Variants in DCLRE1A observed in about 807,000 individuals in gnomAD.
DCLRE1A encodes the protein DNA cross-link repair 1A protein.
Under a neutral mutation model 91.9 loss-of-function variants are expected in DCLRE1A, and 64 were observed. The observed-to-expected ratio is 0.70, with a 90% CI of 0.57 to 0.86. DCLRE1A has a LOEUF of 0.86. DCLRE1A is among the 40% of genes least tolerant of loss of function. DCLRE1A has a pLI of 0.00. For synonymous variants in DCLRE1A, 416 were observed against 431.1 expected (o/e 0.96, Z 0.43); for missense variants, 1,145 against 1,213.3 (o/e 0.94, Z 0.84).
In DCLRE1A at chr10:113,852,943, C is replaced by G; in HGVS notation, c.240G>C (p.Gln80His). The G allele has an allele frequency of 6.2e-7, 1 of 1,614,154 alleles. No homozygotes were observed. The highest frequency in any genetic ancestry group is 8.5e-7 in the Non-Finnish European group (1 of 1,180,034). The part of the protein sequence containing the change: ...AGCQTSVASS[Q>H]NSSCGDGIQQ... The stretch of plus-strand genomic sequence containing the variant: ...GAATACCATCTCCACAACTTGAATT[C>G]TGACTAGAAGCAACAGAAGTCTGAC... The change falls in exon 1 of 9, where the codon CAG becomes CAC. Residue 80 changes from glutamine to histidine, a missense_variant. Coordinates refer to ENST00000361384, the MANE Select transcript of DCLRE1A (RefSeq NM_014881.5).
At position 113,835,114 on chromosome 10, in the gene DCLRE1A, C is replaced by T; in HGVS notation, c.*38G>A. The T allele has an allele frequency of 6.3e-7, 1 of 1,583,168 alleles. No homozygotes were observed. The highest frequency in any genetic ancestry group is 8.6e-7 in the Non-Finnish European group (1 of 1,165,154). On this transcript the variant is annotated 3_prime_UTR_variant, in exon 9 of 9. Coordinates refer to ENST00000361384, the MANE Select transcript of DCLRE1A (RefSeq NM_014881.5). The stretch of plus-strand genomic sequence containing the variant: ...GATTTAACTACTAACAAGCTACATC[C>T]AAGGAACTTAACTACTACTGAATCC...
At chr10:113,836,554 C>T (rs992992193) in intron 8 of DCLRE1A, among the ~76,000 whole-genome samples, 1 of 152,058 alleles carries the variant, frequency 6.6e-6, no homozygotes, top group Non-Finnish European at 1.5e-5. Context: ...GAAAAGGGTC[C>T]TATTTTCAGT....
At chr10:113,843,984 T>A in intron 5 of DCLRE1A, 120 bp downstream of exon 5, 1 of 1,367,858 alleles carries the variant, frequency 7.3e-7, no homozygotes, top group Non-Finnish European at 9.8e-7. Flanking sequence ...TCAAACAGCA[T>A]CCCTCTGATA....
Position 113,849,105 on chromosome 10 carries a change from C to T in DCLRE1A, c.2000G>A (p.Ser667Asn). The change falls in exon 2 of 9, where the codon AGT (serine) becomes AAT (asparagine). Residue 667 changes from serine (S) to asparagine (N), a missense_variant. Ser to Asn is a conservative substitution (Grantham distance 46). Coordinates refer to ENST00000361384, the MANE Select transcript of DCLRE1A (RefSeq NM_014881.5). ...INTESEAVNL[S>N]KVKVFTKSAH... ...TGATTTTGTGAAGACTTTGACTTTA[C>T]TTAAATTGACTGCTTCAGATTCTGT... 1 of 1,614,122 alleles carries T rather than the reference C, an allele frequency of 6.2e-7. No individual in the cohort carries two copies. The highest frequency in any genetic ancestry group is 8.5e-7 in the Non-Finnish European group (1 of 1,180,016).
chr10:113,844,943 A>C (rs1242054870), intron 4 of DCLRE1A, among the ~76,000 whole-genome samples: 7 of 152,252 alleles, frequency 4.6e-5, no homozygotes, highest in African/African-American at 1.7e-4. Flanking sequence ...TCTCAAAAAA[A>C]AAAAAAATCA....
At chr10:113,845,182 A>G (rs937420495) in intron 4 of DCLRE1A, among the ~76,000 whole-genome samples, 2 of 152,126 alleles carry the variant, frequency 1.3e-5, no homozygotes, top group African/African-American at 4.8e-5. Context: ...AGTACTTTAT[A>G]TTAAAAGAAA....
At position 113,847,203 on chromosome 10, in the gene DCLRE1A, T is replaced by A; in HGVS notation, c.2258A>T (p.Glu753Val). ...KHFTFPVYCS[E>V]ITGNLLKNKL... The stretch of plus-strand genomic sequence containing the variant: ...AAAAGTTAGAATACTAAAACTTACC[T>A]CACTACAATAAACTGGAAATGTGAA... Residue 753 changes from glutamate to valine, a missense_variant and splice_region_variant, in exon 3 of 9, where the codon GAG becomes GTG. Transcript: ENST00000361384. The A allele has an allele frequency of 6.3e-7, 1 of 1,598,646 alleles. No individual in the cohort carries two copies. The highest frequency in any genetic ancestry group is 8.5e-7 in the Non-Finnish European group (1 of 1,170,938).
chr10:113,849,459 G>A lies in DCLRE1A; in HGVS notation c.1646C>T (p.Pro549Leu), dbSNP rs1270372064. The part of the protein sequence containing the change: ...PSGLKYNARH[P>L]STKVMKQMDI... ...CATTTGCTTCATTACCTTGGTAGAAGGATGTCTTGCATTATACTTAAGACC... is the reference window on the plus strand; with the variant it reads ...CATTTGCTTCATTACCTTGGTAGAAAGATGTCTTGCATTATACTTAAGACC... Residue 549 changes from proline (P) to leucine (L), a missense_variant, in exon 2 of 9, where the codon CCT (proline) becomes CTT (leucine). Coordinates refer to ENST00000361384, the MANE Select transcript of DCLRE1A (RefSeq NM_014881.5). The A allele has an allele frequency of 1.2e-6, 2 of 1,614,098 alleles. No individual in the cohort carries two copies. Among genetic ancestry groups the A allele is most frequent in the Non-Finnish European group, 1.7e-6 (2 of 1,180,016 alleles).
In DCLRE1A at chr10:113,845,863, T is replaced by C. The variant is rs17235164; in HGVS notation, c.2260-60A>G. 5,466 of 1,342,778 alleles carry C rather than the reference T, an allele frequency of 4.1e-3. 117 individuals carry two copies. The African/African-American group carries it at 0.058, about 14-fold the overall frequency. The allele number at this position is 1,342,778 out of a possible 1,614,324, so 83.2% of individuals were successfully genotyped here. A position where few individuals can be genotyped will look rare whatever the true frequency, so the allele number is the denominator to read the frequency against. On this transcript the variant is annotated intron_variant, in intron 3 of 8. Transcript: ENST00000361384. ...AAAACACTAAATATTTTATTTCATA[T>C]CTAGTTTAGAACCATAGCATCTTAA...
At chr10:113,846,874 G>A (rs1266550349) in intron 3 of DCLRE1A, among the ~76,000 whole-genome samples, 1 of 152,040 alleles carries the variant, frequency 6.6e-6, no homozygotes, top group Non-Finnish European at 1.5e-5. Context: ...TCCATGGATA[G>A]GGCACTCACA....
At chr10:113,838,413 GAATTA>G (rs1845395172) in intron 7 of DCLRE1A, among the ~76,000 whole-genome samples, 1 of 152,120 alleles carries the variant, frequency 6.6e-6, no homozygotes, top group Admixed American at 6.5e-5. Context: ...CCATCCAGAA[GAATTA>G]AATGATAACT....
intron 7 of DCLRE1A, among the ~76,000 whole-genome samples, chr10:113,840,532 T>G (rs1845430280): frequency 6.6e-6 from 1 of 152,124 alleles, no homozygotes; most frequent in Non-Finnish European, 1.5e-5. Flanking sequence ...GAAATCTTAC[T>G]TCATCAATTA....
chr10:113,841,300 T>C, intron 7 of DCLRE1A, 106 bp downstream of exon 7: 1 of 1,323,786 alleles, frequency 7.6e-7, no homozygotes, highest in Non-Finnish European at 1.0e-6. Context: ...CAAATTTTAC[T>C]ATGGGTGACT....
At chr10:113,848,764 G>A (rs1845584593) in intron 2 of DCLRE1A, among the ~76,000 whole-genome samples, 1 of 151,816 alleles carries the variant, frequency 6.6e-6, no homozygotes, top group African/African-American at 2.4e-5. Flanking sequence ...TTACATAGAG[G>A]GCATGTTTAA....
At chr10:113,839,249 C>A (rs190783038) in intron 7 of DCLRE1A, among the ~76,000 whole-genome samples, 2 of 147,526 alleles carry the variant, frequency 1.4e-5, no homozygotes, top group Non-Finnish European at 1.5e-5. Context: ...AGCATGAACC[C>A]GGGAGGTGGA....
rs1272525424 is a variant in DCLRE1A at position 113,849,797 on chromosome 10, G to C, written c.1308C>G (p.His436Gln). Residue 436 changes from histidine to glutamine, a missense_variant, in exon 2 of 9, where the codon CAC becomes CAG. By Grantham distance (24) the His-to-Gln change is conservative (BLOSUM62 0). Transcript: ENST00000361384. ...TKAKPDEPEF[H>Q]SAQSNKQKQV... The stretch of plus-strand genomic sequence containing the variant: ...GTTTCTGTTTATTTGATTGAGCTGA[G>C]TGAAATTCTGGCTCATCAGGTTTTG... 2 of 1,614,152 alleles carry C rather than the reference G, an allele frequency of 1.2e-6. No homozygotes were observed. Among genetic ancestry groups the C allele is most frequent in the African/African-American group, 2.7e-5 (2 of 75,034 alleles).
intron 5 of DCLRE1A, among the ~76,000 whole-genome samples, chr10:113,842,908 T>A (rs1845469011): frequency 6.6e-6 from 1 of 152,156 alleles, no homozygotes; most frequent in Non-Finnish European, 1.5e-5. Context: ...GTAATGAAAC[T>A]AAATATGAAT....
intron 8 of DCLRE1A, among the ~76,000 whole-genome samples, chr10:113,836,467 T>TA (rs1266504689): frequency 1.3e-5 from 2 of 151,728 alleles, no homozygotes; most frequent in East Asian, 1.9e-4. Context: ...TTTGCACACA[T>TA]AAAAAAATAG....
At chr10:113,841,082 C>T (rs1456466045) in intron 7 of DCLRE1A, among the ~76,000 whole-genome samples, 1 of 152,150 alleles carries the variant, frequency 6.6e-6, no homozygotes, top group Admixed American at 6.5e-5. Flanking sequence ...TCACTCATTT[C>T]CCCACTCACC....
Sources: gnomAD v4.1 joint callset for allele counts (sites outside exome capture counted in the v4.1 genomes callset) on GRCh38, gnomAD v4.1.1 for gene constraint, MANE v1.5 for transcripts, NCBI Gene and HGNC (gene_info 2026-07-23, HGNC 2026-07-21) for gene names.